Variants in GPATCH2 observed in about 807,000 individuals in gnomAD.
GPATCH2 encodes the protein G-patch domain containing 2.
GPATCH2 carries 51 observed loss-of-function variants against 58.0 expected under a neutral mutation model. The ratio of observed to expected loss-of-function variants is 0.88; its 90% CI spans 0.70 to 1.11. The LOEUF is 1.11. GPATCH2 is among the 50% of genes most tolerant of loss of function. The pLI is 0.00. For synonymous variants in GPATCH2, 222 were observed against 218.5 expected (o/e 1.02, Z -0.14); for missense variants, 625 against 652.2 (o/e 0.96, Z 0.45).
At chr1:217,619,608 T>C (rs529322236) in intron 2 of GPATCH2, among the ~76,000 whole-genome samples, 175 bp downstream of exon 2, 9 of 152,258 alleles carry the variant, frequency 5.9e-5, no homozygotes, top group Admixed American at 5.2e-4. Context: ...ACAAGCAATT[T>C]TGCTTTGTGC....
At chr1:217,512,811 T>G (rs1204895358) in intron 6 of GPATCH2, among the ~76,000 whole-genome samples, 3 of 152,212 alleles carry the variant, frequency 2.0e-5, no homozygotes, top group Non-Finnish European at 2.9e-5. Context: ...AATGGGCTGA[T>G]AAAACTGTGC....
chr1:217,523,030 A>C lies in GPATCH2; in HGVS notation c.1099-8141T>G, dbSNP rs560644812. 5.4e-4 allele frequency among the ~76,000 whole-genome samples: 82 copies of C among 151,974 alleles called. 3 individuals are homozygous for C. The highest frequency in any genetic ancestry group is 1.9e-3 in the African/African-American group (78 of 41,242). ...CATAGTAATCCAAAGCAATTAAAAAAATTTCTATATTATTGCTCCTATGTT... is the reference window on the plus strand; with the variant it reads ...CATAGTAATCCAAAGCAATTAAAAACATTTCTATATTATTGCTCCTATGTT... On this transcript the variant is annotated intron_variant, in intron 5 of 9. Transcript: ENST00000366935.
At chr1:217,526,613 A>C (rs1663920497) in intron 5 of GPATCH2, among the ~76,000 whole-genome samples, 1 of 152,212 alleles carries the variant, frequency 6.6e-6, no homozygotes, top group Non-Finnish European at 1.5e-5. Context: ...AACTTTTAAC[A>C]TTTTTTGGCC....
chr1:217,498,394 G>A lies in GPATCH2; in HGVS notation c.1168C>T (p.His390Tyr). ...HFSPDSHHHD[H>Y]WFSPGARTEH... Reference sequence around the variant, plus strand: ...GTCCTAGCCCCAGGGCTAAACCAATGGCTGCAGAGGAAAGAAAAAGGCAGT... The same window carrying A: ...GTCCTAGCCCCAGGGCTAAACCAATAGCTGCAGAGGAAAGAAAAAGGCAGT... The change falls in exon 7 of 10, where the codon CAT becomes TAT. Residue 390 changes from histidine to tyrosine, a missense_variant and splice_region_variant. Coordinates refer to ENST00000366935, the MANE Select transcript of GPATCH2 (RefSeq NM_018040.5). 1.9e-6 allele frequency: 3 copies of A among 1,612,260 alleles called. No individual in the cohort carries two copies. Among genetic ancestry groups the A allele is most frequent in the Non-Finnish European group, 2.5e-6 (3 of 1,178,358 alleles).
chr1:217,575,876 G>T (rs1666781075), intron 5 of GPATCH2, among the ~76,000 whole-genome samples: 1 of 151,886 alleles, frequency 6.6e-6, no homozygotes, highest in Admixed American at 6.6e-5. Flanking sequence ...CTTACTTTTT[G>T]TGTTTTTTCC....
intron 1 of GPATCH2, among the ~76,000 whole-genome samples, chr1:217,621,327 G>A (rs1669177066): frequency 6.6e-6 from 1 of 152,062 alleles, no homozygotes; most frequent in African/African-American, 2.4e-5. Flanking sequence ...CAAGGTATCT[G>A]GTTTTATTTT....
At chr1:217,597,266 C>T (rs1165070455) in intron 5 of GPATCH2, among the ~76,000 whole-genome samples, 12 of 151,688 alleles carry the variant, frequency 7.9e-5, no homozygotes, top group Non-Finnish European at 1.5e-4. Flanking sequence ...CCAGGAGTTC[C>T]AGGCTGCAGT....
intron 5 of GPATCH2, among the ~76,000 whole-genome samples, chr1:217,517,283 T>C (rs962808478): frequency 6.6e-6 from 1 of 152,150 alleles, no homozygotes; most frequent in African/African-American, 2.4e-5. Flanking sequence ...TTTAAAGATA[T>C]GCAAAATAGG....
At chr1:217,609,882 G>A in intron 5 of GPATCH2, 1 of 1,044,570 alleles carries the variant, frequency 9.6e-7, no homozygotes, top group Non-Finnish European at 1.2e-6. Flanking sequence ...TGGATTCAAT[G>A]TAAAAAAAAA....
At chr1:217,628,399 C>T (rs1372146629) in intron 1 of GPATCH2, among the ~76,000 whole-genome samples, 1 of 151,868 alleles carries the variant, frequency 6.6e-6, no homozygotes, top group African/African-American at 2.4e-5. Context: ...GAAGCTATAA[C>T]AAATTTAATG....
intron 5 of GPATCH2, among the ~76,000 whole-genome samples, chr1:217,573,011 A>C (rs192237005): frequency 3.3e-5 from 5 of 152,374 alleles, no homozygotes; most frequent in Non-Finnish European, 7.3e-5. Flanking sequence ...AAAACATTAG[A>C]AGTGCAAGAA....
At chr1:217,449,469 T>C in intron 8 of GPATCH2, 132 bp from the exon 9 acceptor site, 2 of 624,486 alleles carry the variant, frequency 3.2e-6, no homozygotes, top group East Asian at 2.7e-5. Flanking sequence ...ATCACCAATC[T>C]TGTTTATATC....
chr1:217,476,768 T>C lies in GPATCH2; in HGVS notation c.1277+14912A>G, dbSNP rs538770560. ...CTCGCAACCATAAGCTAAAGTACTCTGGGGCTTTAAATAAATTTGAAAGGC... is the reference window on the plus strand; with the variant it reads ...CTCGCAACCATAAGCTAAAGTACTCCGGGGCTTTAAATAAATTTGAAAGGC... On this transcript the variant is annotated intron_variant, in intron 8 of 9. Transcript: ENST00000366935. Among the ~76,000 whole-genome samples the C allele has an allele frequency of 5.9e-5, 9 of 152,246 alleles. No individual in the cohort carries two copies. In the South Asian group the frequency reaches 1.9e-3, roughly 32 times the overall value.
intron 1 of GPATCH2, among the ~76,000 whole-genome samples, chr1:217,629,022 A>G (rs1231520684): frequency 6.6e-6 from 1 of 152,104 alleles, no homozygotes; most frequent in Non-Finnish European, 1.5e-5. Flanking sequence ...CTAAAATGCA[A>G]AGAATGATAC....
intron 8 of GPATCH2, among the ~76,000 whole-genome samples, chr1:217,480,413 C>T (rs550191739): frequency 4.6e-5 from 7 of 152,210 alleles, no homozygotes; most frequent in South Asian, 4.1e-4. Flanking sequence ...CACTGATCAT[C>T]GGAGAAGTGC....
chr1:217,570,440 C>G (rs1266017916), intron 5 of GPATCH2, among the ~76,000 whole-genome samples: 1 of 152,092 alleles, frequency 6.6e-6, no homozygotes. Flanking sequence ...AAGGGATATT[C>G]GTGTTTGTTC....
At chr1:217,592,552 A>T (rs536490819) in intron 5 of GPATCH2, among the ~76,000 whole-genome samples, 1 of 152,050 alleles carries the variant, frequency 6.6e-6, no homozygotes, top group African/African-American at 2.4e-5. Context: ...AATTTAAGTA[A>T]CATTAAAGAG....
intron 3 of GPATCH2, 58 bp from the exon 4 acceptor site, chr1:217,611,129 A>G: frequency 6.9e-7 from 1 of 1,452,820 alleles, no homozygotes; most frequent in South Asian, 1.3e-5. Context: ...ATCCAGTTAC[A>G]CAATTAGTCT....
intron 5 of GPATCH2, chr1:217,610,042 A>C: frequency 6.9e-7 from 1 of 1,448,652 alleles, no homozygotes; most frequent in Non-Finnish European, 9.1e-7. Context: ...CTTTTCATCA[A>C]AGAGGCTCTC....
Sources: gnomAD v4.1 joint callset for allele counts (sites outside exome capture counted in the v4.1 genomes callset) on GRCh38, gnomAD v4.1.1 for gene constraint, MANE v1.5 for transcripts, NCBI Gene and HGNC (gene_info 2026-07-23, HGNC 2026-07-21) for gene names.